Variants in AP2A2 observed in about 807,000 individuals in gnomAD.
The protein encoded by AP2A2 is adaptor related protein complex 2 subunit alpha 2, also known as AP-2 complex subunit alpha-2.
Under a neutral mutation model 104.2 loss-of-function variants are expected in AP2A2, and 32 were observed. The observed-to-expected ratio is 0.31, with a 90% CI of 0.23 to 0.41. AP2A2 has a LOEUF of 0.41. AP2A2 is among the 10% of genes least tolerant of loss of function. AP2A2 has a pLI of 1.00. For synonymous variants in AP2A2, 539 were observed against 533.3 expected, an observed-to-expected ratio of 1.01 and a Z score of -0.15; for missense variants, 912 against 1,261.0, an observed-to-expected ratio of 0.72 and a Z score of 4.19.
intron 1 of AP2A2, among the ~76,000 whole-genome samples, chr11:950,458 A>G (rs1445979075): frequency 2.6e-5 from 4 of 151,972 alleles, no homozygotes; most frequent in Admixed American, 2.0e-4. Flanking sequence ...ACAGGCCTGC[A>G]CCACCATGCC....
At chr11:985,037 G>C (rs1855404995) in intron 7 of AP2A2, among the ~76,000 whole-genome samples, 1 of 152,196 alleles carries the variant, frequency 6.6e-6, no homozygotes, top group South Asian at 2.1e-4. Flanking sequence ...AGGCTGGAGT[G>C]CAGTGACGCG....
At chr11:976,809 C>G (rs1445042720) in intron 4 of AP2A2, among the ~76,000 whole-genome samples, 1 of 152,312 alleles carries the variant, frequency 6.6e-6, no homozygotes, top group African/African-American at 2.4e-5. Flanking sequence ...ACAACAACAA[C>G]AAGAAAGCTA....
intron 1 of AP2A2, among the ~76,000 whole-genome samples, chr11:940,143 G>A (rs1292390379): frequency 1.3e-5 from 2 of 151,680 alleles, no homozygotes; most frequent in South Asian, 4.2e-4. Flanking sequence ...TTGTAGAGAC[G>A]GGGTTTCGCC....
intron 1 of AP2A2, among the ~76,000 whole-genome samples, chr11:955,085 G>A (rs1411930191): frequency 6.6e-6 from 1 of 152,166 alleles, no homozygotes; most frequent in South Asian, 2.1e-4. Context: ...TGGTGTTTGG[G>A]TGGGTAAAGT....
At chr11:952,063 C>T (rs1211324264) in intron 1 of AP2A2, among the ~76,000 whole-genome samples, 1 of 152,144 alleles carries the variant, frequency 6.6e-6, no homozygotes, top group Non-Finnish European at 1.5e-5. Flanking sequence ...GAGACCAGGT[C>T]TCCCTATGTT....
rs1854712567 is a variant in AP2A2, at chr11:968,768, A to G, written c.137-1401A>G. Among the ~76,000 whole-genome samples the G allele has an allele frequency of 6.7e-6, 1 of 149,726 alleles. No individual in the cohort carries two copies. The highest frequency in any genetic ancestry group is 1.5e-5 in the Non-Finnish European group (1 of 67,268). On this transcript the variant is annotated intron_variant, in intron 2 of 21. Transcript: ENST00000448903. This position sits in a 1 kb window ranked among gnomAD's most constrained non-coding sequence, Gnocchi z 4.2. The stretch of plus-strand genomic sequence containing the variant: ...CTGCTGGGACCCCTTGGGCACAGCA[A>G]GCAGATAAGTGGGTCGGGGCCGGGG...
In AP2A2 at chr11:1,000,414, T is replaced by G; in HGVS notation, c.1957-18T>G. The G allele has an allele frequency of 6.5e-7, 1 of 1,543,266 alleles. No individual in the cohort carries two copies. The highest frequency in any genetic ancestry group is 8.7e-7 in the Non-Finnish European group (1 of 1,147,126). ...CCAGGGAGGCTCTCTGCTGATGCTC[T>G]CCTTCCTTCTCTTCCAGTCTACGCC... On this transcript the variant is annotated intron_variant, in intron 14 of 21. Transcript: ENST00000448903.
intron 4 of AP2A2, among the ~76,000 whole-genome samples, chr11:972,875 C>T (rs113743267): frequency 2.0e-5 from 3 of 152,404 alleles, no homozygotes; most frequent in African/African-American, 7.2e-5. Context: ...CCTCCTCGTG[C>T]CCGTTCCCCA....
chr11:933,836 G>T (rs1853366530), intron 1 of AP2A2, among the ~76,000 whole-genome samples: 1 of 152,150 alleles, frequency 6.6e-6, no homozygotes. Context: ...AACATTGTTG[G>T]CAGAGGGGAA....
intron 6 of AP2A2, 74 bp downstream of exon 6, chr11:981,373 G>C: frequency 2.4e-6 from 3 of 1,243,326 alleles, no homozygotes; most frequent in Non-Finnish European, 3.4e-6. Flanking sequence ...CTTATTTGTA[G>C]AATGCAAGGT....
At chr11:957,703 A>G (rs1854284051) in intron 1 of AP2A2, among the ~76,000 whole-genome samples, 1 of 152,254 alleles carries the variant, frequency 6.6e-6, no homozygotes, top group South Asian at 2.1e-4. Flanking sequence ...TTTGTAGGAA[A>G]GCCCTCATGT....
chr11:993,414 C>T lies in AP2A2; in HGVS notation c.1550+33C>T, dbSNP rs780716074. On this transcript the variant is annotated intron_variant, in intron 12 of 21. Transcript: ENST00000448903. The surrounding 1 kb of genome is among the most constrained non-coding windows in gnomAD (Gnocchi z 8.2). ...GCCCTTTGCGAGTCGGGGCTGTGTG[C>T]GCTCCGGCGGGCCTCTCGGTGGTCG... The T allele has an allele frequency of 1.9e-5, 29 of 1,536,214 alleles. No homozygotes were observed. Among genetic ancestry groups the T allele is most frequent in the Admixed American group, 1.0e-4 (5 of 49,724 alleles).
intron 2 of AP2A2, among the ~76,000 whole-genome samples, chr11:966,126 G>A (rs1033817177): frequency 2.6e-5 from 4 of 152,222 alleles, no homozygotes; most frequent in African/African-American, 7.2e-5. Context: ...GATTACAGGC[G>A]TAAGCCACTG....
chr11:958,285 G>A (rs1854303714), intron 1 of AP2A2, among the ~76,000 whole-genome samples: 1 of 152,236 alleles, frequency 6.6e-6, no homozygotes, highest in South Asian at 2.1e-4. Context: ...CTGGTGTGTT[G>A]CTCACAGGCT....
intron 1 of AP2A2, chr11:943,142 C>G (rs2134490758): frequency 6.6e-6 from 1 of 152,300 alleles, no homozygotes; most frequent in Admixed American, 6.5e-5. Flanking sequence ...AAGCCACAGA[C>G]AAAACCCCTC....
At chr11:940,200 C>T (rs750661064) in intron 1 of AP2A2, among the ~76,000 whole-genome samples, 1 of 152,044 alleles carries the variant, frequency 6.6e-6, no homozygotes, top group Admixed American at 6.6e-5. Context: ...GTGATCCACC[C>T]GCCTTGGCCT....
chr11:992,777 C>A lies in AP2A2; in HGVS notation c.1452+92C>A, dbSNP rs549678526. 6.9e-7 allele frequency: 1 copy of A among 1,439,366 alleles called. No homozygotes were observed. Among genetic ancestry groups the A allele is most frequent in the African/African-American group, 1.4e-5 (1 of 71,886 alleles). The allele number at this position is 1,439,366 out of a possible 1,614,324, so 89.2% of individuals were successfully genotyped here. ...TTCCAGCCTGCCTGCGTGGAGGTGC[C>A]GAGGGCCGTTGCTGACCCCTCTTGC... On this transcript the variant is annotated intron_variant, in intron 11 of 21. Transcript: ENST00000448903. This position sits in a 1 kb window ranked among gnomAD's most constrained non-coding sequence, Gnocchi z 6.4.
At chr11:938,521 C>T (rs1335053115) in intron 1 of AP2A2, among the ~76,000 whole-genome samples, 2 of 150,536 alleles carry the variant, frequency 1.3e-5, no homozygotes, top group South Asian at 2.1e-4. Flanking sequence ...GTCCCCCAGG[C>T]TGGAGTGCAG....
intron 16 of AP2A2, among the ~76,000 whole-genome samples, chr11:1,005,377 G>A (rs915715497): frequency 2.0e-5 from 3 of 152,250 alleles, no homozygotes; most frequent in African/African-American, 4.8e-5. Flanking sequence ...ACAGAGTTCC[G>A]TTTGGGAAGA....
Sources: allele counts gnomAD v4.1 joint callset (sites outside exome capture counted in the v4.1 genomes callset), GRCh38; gene constraint gnomAD v4.1.1; non-coding constraint Gnocchi (gnomAD v3.1); transcripts MANE v1.5; gene names NCBI Gene and HGNC (gene_info 2026-07-23, HGNC 2026-07-21).